ATAD2: variants seen among roughly 807,000 people sequenced by gnomAD.
ATAD2 encodes the protein ATPase family AAA domain containing 2.
A neutral mutation model predicts 168.9 loss-of-function variants in ATAD2; 62 were observed. That is an observed-to-expected ratio of 0.37 (90% confidence interval 0.30 to 0.45). The LOEUF (loss-of-function observed/expected upper bound fraction) is 0.45, where lower values mean the gene tolerates loss of function less well. Ranked by LOEUF, ATAD2 falls within the 20% of genes least tolerant of loss-of-function variation. The pLI is 1.00. For synonymous variants in ATAD2, 613 were observed against 571.6 expected (o/e 1.07, Z -1.03); for missense variants, 1,419 against 1,667.8 (o/e 0.85, Z 2.60).
chr8:123,320,329 AATATTT>A lies in ATAD2; in HGVS notation c.*799_*804del, dbSNP rs1457172548. 1 of 151,450 alleles carries A rather than the reference AATATTT, an allele frequency of 6.6e-6. No individual in the cohort carries two copies. Among genetic ancestry groups the A allele is most frequent in the African/African-American group, 2.4e-5 (1 of 41,366 alleles). The allele number at this position is 151,450 out of a possible 1,614,324, so 9.4% of individuals were successfully genotyped here. A position where few individuals can be genotyped will look rare whatever the true frequency, so the allele number is the denominator to read the frequency against. On this transcript the variant is annotated 3_prime_UTR_variant, in exon 28 of 28. Transcript: ENST00000287394. ...TTTGGTACCATTAATATAAAATTAT[AATATTT>A]ATATTTATAAAATTGTATATAAAAA...
At chr8:123,389,967 T>TATATATATAC (rs1245535358) in intron 1 of ATAD2, among the ~76,000 whole-genome samples, 16 of 113,010 alleles carry the variant, frequency 1.4e-4, no homozygotes, top group Non-Finnish European at 1.3e-4. Context: ...ATTTTATATA[T>TATATATATAC]ATATATATAT....
At chr8:123,374,687 G>A (rs577136983) in intron 2 of ATAD2, among the ~76,000 whole-genome samples, 38 of 152,246 alleles carry the variant, frequency 2.5e-4, no homozygotes, top group Admixed American at 2.3e-3. Context: ...AACATTATAG[G>A]GTGAAAGGAG....
rs566573865 is a variant in ATAD2 at position 123,363,986 on chromosome 8, A to T, written c.1050-2340T>A. On this transcript the variant is annotated intron_variant, in intron 8 of 27. Transcript: ENST00000287394. The stretch of plus-strand genomic sequence containing the variant: ...ATGATTTCCAGTTTTTTAATTTCAT[A>T]AACCAATAAAGTTAAAAGCAAACAA... Among the ~76,000 whole-genome samples, 5 of 152,338 alleles carry T rather than the reference A, an allele frequency of 3.3e-5. No individual in the cohort carries two copies. In the South Asian group the frequency reaches 1.0e-3, roughly 32 times the overall value.
At chr8:123,354,837 C>CAAAA (rs71310668) in intron 13 of ATAD2, among the ~76,000 whole-genome samples, 6 of 22,788 alleles carry the variant, frequency 2.6e-4, no homozygotes, top group African/African-American at 9.0e-4. Context: ...GACTCTGTCT[C>CAAAA]AAAAAAAAAA....
chr8:123,392,209 A>AC (rs1255072852), intron 1 of ATAD2, among the ~76,000 whole-genome samples: 3 of 152,186 alleles, frequency 2.0e-5, no homozygotes, highest in Non-Finnish European at 4.4e-5. Context: ...CCAAAAAAAA[A>AC]GTCAAAATCC....
chr8:123,348,992 A>G lies in ATAD2; in HGVS notation c.1806+293T>C, dbSNP rs189902339. ...ATATGATGATATTCATGAAAAAGAC[A>G]AGGCTAACAAACTGGCTAAGGATTG... is the stretch of plus-strand genomic sequence containing the variant. On this transcript the variant is annotated intron_variant, in intron 14 of 27. Coordinates refer to ENST00000287394, the MANE Select transcript of ATAD2 (RefSeq NM_014109.4). Among the ~76,000 whole-genome samples the G allele has an allele frequency of 1.9e-3, 283 of 152,318 alleles. 1 individual carries two copies. The highest frequency in any genetic ancestry group is 6.5e-3 in the African/African-American group (269 of 41,576).
At chr8:123,342,416 G>C (rs1828089854) in intron 19 of ATAD2, 1 of 152,004 alleles carries the variant, frequency 6.6e-6, no homozygotes, top group Non-Finnish European at 1.5e-5. Context: ...GAAGATTTGT[G>C]CTCACTTCAG....
chr8:123,415,393 A>C (rs2130066510), intron 1 of ATAD2, among the ~76,000 whole-genome samples: 1 of 152,340 alleles, frequency 6.6e-6, no homozygotes, highest in African/African-American at 2.4e-5. Context: ...TTTAGGATTT[A>C]TCAGCTTTGA....
intron 17 of ATAD2, 75 bp downstream of exon 17, chr8:123,346,542 AT>A: frequency 7.5e-7 from 1 of 1,341,700 alleles, no homozygotes; most frequent in Non-Finnish European, 9.9e-7. Context: ...AGCACTTTTT[AT>A]TTTTTCAACC....
At chr8:123,324,566 C>T (rs577035580) in intron 26 of ATAD2, among the ~76,000 whole-genome samples, 5 of 152,118 alleles carry the variant, frequency 3.3e-5, no homozygotes, top group Admixed American at 6.5e-5. Flanking sequence ...GTAGGTTCAC[C>T]GTTACAGAGG....
intron 24 of ATAD2, among the ~76,000 whole-genome samples, chr8:123,329,484 T>C (rs1440721259): frequency 6.6e-6 from 1 of 151,922 alleles, no homozygotes; most frequent in Non-Finnish European, 1.5e-5. Flanking sequence ...TTAACCTGGC[T>C]GGGCGCGGTG....
At chr8:123,352,717 A>G (rs1240889300) in intron 13 of ATAD2, 12 of 137,076 alleles carry the variant, frequency 8.8e-5, no homozygotes, top group African/African-American at 3.1e-4. Flanking sequence ...GTTTTCTTTT[A>G]AAAAAAAAAA....
At chr8:123,413,499 T>G (rs1423848859) in intron 1 of ATAD2, among the ~76,000 whole-genome samples, 2 of 152,196 alleles carry the variant, frequency 1.3e-5, no homozygotes, top group Non-Finnish European at 2.9e-5. Flanking sequence ...ATTATTATCC[T>G]CATTTTGCAA....
At chr8:123,401,385 A>G (rs1812997336), upstream of ATAD2, 1 of 1,396,244 alleles carries the variant, frequency 7.2e-7, no homozygotes, top group Non-Finnish European at 1.0e-6. Context: ...TCGACGTCAT[A>G]GTCTTGGACT....
At chr8:123,413,134 A>G (rs1813185579) in intron 1 of ATAD2, among the ~76,000 whole-genome samples, 1 of 151,850 alleles carries the variant, frequency 6.6e-6, no homozygotes, top group Non-Finnish European at 1.5e-5. Flanking sequence ...ATCCTAACTT[A>G]GATAACTGCC....
chr8:123,396,088 C>T, intron 1 of ATAD2, 99 bp downstream of exon 1: 4 of 1,332,972 alleles, frequency 3.0e-6, no homozygotes, highest in Non-Finnish European at 3.9e-6. Flanking sequence ...CAACTGTCAC[C>T]CTGACCGGCG....
chr8:123,340,670 T>C (rs1440007274), intron 19 of ATAD2, among the ~76,000 whole-genome samples: 1 of 152,166 alleles, frequency 6.6e-6, no homozygotes, highest in Non-Finnish European at 1.5e-5. Context: ...ACAACATGGA[T>C]GAACTTGAAA....
intron 19 of ATAD2, among the ~76,000 whole-genome samples, chr8:123,344,135 G>C (rs1010829234): frequency 2.6e-5 from 4 of 152,102 alleles, no homozygotes; most frequent in African/African-American, 9.7e-5. Flanking sequence ...GATGCTCACT[G>C]TAAGAGTCCA....
chr8:123,330,080 C>T (rs552776633), intron 24 of ATAD2, among the ~76,000 whole-genome samples: 1 of 148,150 alleles, frequency 6.7e-6, no homozygotes, highest in South Asian at 2.2e-4. Context: ...CCTTGAACTC[C>T]TGGGCTCAAG....
Sources: allele counts gnomAD v4.1 joint callset (sites outside exome capture counted in the v4.1 genomes callset), GRCh38; gene constraint gnomAD v4.1.1; transcripts MANE v1.5; gene names NCBI Gene and HGNC (gene_info 2026-07-23, HGNC 2026-07-21).